The following USP4 variants were observed in gnomAD, a reference collection of about 807,000 sequenced individuals.
The protein encoded by USP4 is ubiquitin carboxyl-terminal hydrolase 4.
Under a neutral mutation model 118.2 loss-of-function variants are expected in USP4, and 72 were observed. The observed-to-expected ratio is 0.61, with a 90% CI of 0.50 to 0.74. The LOEUF (loss-of-function observed/expected upper bound fraction) is 0.74, where lower values mean the gene tolerates loss of function less well. Among genes scored for constraint, USP4 ranks in the 30% least tolerant of loss-of-function variants. USP4 has a pLI of 0.00. For missense variants in USP4, 1,037 were observed against 1,185.7 expected, an observed-to-expected ratio of 0.87 and a Z score of 1.84; for synonymous variants, 415 against 440.4, an observed-to-expected ratio of 0.94 and a Z score of 0.72.
At chr3:49,298,182 G>A (rs1204065650) in intron 12 of USP4, among the ~76,000 whole-genome samples, 3 of 152,196 alleles carry the variant, frequency 2.0e-5, no homozygotes, top group Non-Finnish European at 2.9e-5. Flanking sequence ...ATCTGCCCTC[G>A]ACTGGCAGGA....
At chr3:49,285,951 G>C (rs1190749161) in intron 16 of USP4, 147 bp downstream of exon 16, 5 of 714,542 alleles carry the variant, frequency 7.0e-6, no homozygotes, top group Non-Finnish European at 1.2e-5. Context: ...CAGTCCTTAG[G>C]GGGCTTCAAG....
intron 9 of USP4, among the ~76,000 whole-genome samples, chr3:49,303,858 T>C (rs949633465): frequency 6.6e-6 from 1 of 152,154 alleles, no homozygotes; most frequent in Non-Finnish European, 1.5e-5. Context: ...GTTCAAGCAA[T>C]TCTCATGCCT....
At chr3:49,293,708 T>C (rs1004844473) in intron 14 of USP4, 1 of 150,872 alleles carries the variant, frequency 6.6e-6, no homozygotes, top group African/African-American at 2.4e-5. Flanking sequence ...AATTAGCCAA[T>C]GAAGACTCTT....
chr3:49,324,450 T>C (rs780084141), intron 6 of USP4, among the ~76,000 whole-genome samples: 5 of 152,154 alleles, frequency 3.3e-5, no homozygotes, highest in Admixed American at 6.6e-5. Flanking sequence ...ATCCCTCATA[T>C]CCCTTCCTCC....
At position 49,318,698 on chromosome 3, in the gene USP4, C is replaced by T. The variant is rs1302703931; in HGVS notation, c.695+6004G>A. 3.6e-6 allele frequency: 3 copies of T among 834,302 alleles called. No homozygotes were observed. The African/African-American group carries it at 5.6e-5, about 15-fold the overall frequency. 51.7% of individuals were successfully genotyped at this position (834,302 alleles called of 1,614,324 possible). A position where few individuals can be genotyped will look rare whatever the true frequency, so the allele number is the denominator to read the frequency against. ...CCAAGGCGGGTGGATCACCTGAGGC[C>T]AGGAGTTCGAGACCAGCCTGGCCAA... On this transcript the variant is annotated intron_variant, in intron 6 of 21. Coordinates refer to ENST00000265560, the MANE Select transcript of USP4 (RefSeq NM_003363.4).
At chr3:49,292,430 T>C (rs906318579) in intron 15 of USP4, 80 bp downstream of exon 15, 9 of 919,204 alleles carry the variant, frequency 9.8e-6, no homozygotes, top group African/African-American at 3.4e-5. Flanking sequence ...CCTTCTCCCA[T>C]GTGTGTAACA....
At chr3:49,290,502 T>G (rs1223051502) in intron 15 of USP4, among the ~76,000 whole-genome samples, 1 of 152,198 alleles carries the variant, frequency 6.6e-6, no homozygotes, top group Non-Finnish European at 1.5e-5. Context: ...AACTGATAAT[T>G]TTTTGTTTTT....
chr3:49,284,900 C>T lies in USP4; in HGVS notation c.2220G>A (p.Met740Ile). The T allele has an allele frequency of 1.2e-6, 2 of 1,613,470 alleles. No homozygotes were observed. The highest frequency in any genetic ancestry group is 1.6e-4 in the Middle Eastern group (1 of 6,062). Reference sequence around the variant, plus strand: ...GTCTCCGAGTTTCACTGTCCCAATCCATGGCCAGTGTAGATCGAGCTGAGG... The same window carrying T: ...GTCTCCGAGTTTCACTGTCCCAATCTATGGCCAGTGTAGATCGAGCTGAGG... Reference protein sequence around the residue: ...LKLNSRSTLAMDWDSETRRLY... With the variant: ...LKLNSRSTLAIDWDSETRRLY... Residue 740 changes from methionine (M) to isoleucine (I), a missense_variant, in exon 17 of 22, where the codon ATG becomes ATA. Coordinates refer to ENST00000265560, the MANE Select transcript of USP4 (RefSeq NM_003363.4).
intron 8 of USP4, among the ~76,000 whole-genome samples, chr3:49,309,619 CTTTTTTTTTTT>C (rs35128646): frequency 1.5e-4 from 12 of 79,398 alleles, no homozygotes; most frequent in African/African-American, 5.4e-4. Context: ...GGCGGGACAG[CTTTTTTTTTTT>C]TTTTTTTTTT....
rs375669755 is a variant in USP4, at chr3:49,291,070, G to A, written c.1972+1440C>T. On this transcript the variant is annotated intron_variant, in intron 15 of 21. Transcript: ENST00000265560. ...TGAAAGCTCTGCCTCCCGGGTTCAC[G>A]CCATTCTCCTGCCTCAGCCTCCCAA... 1.2e-4 allele frequency among the ~76,000 whole-genome samples: 18 copies of A among 152,036 alleles called. No individual in the cohort carries two copies. The East Asian group carries it at 2.5e-3, about 21-fold the overall frequency.
intron 15 of USP4, 132 bp from the exon 16 acceptor site, chr3:49,286,457 T>C (rs1160331243): frequency 2.2e-6 from 2 of 898,652 alleles, no homozygotes; most frequent in Admixed American, 2.7e-5. Context: ...TCTATTCCTT[T>C]GCATTTAACT....
intron 15 of USP4, among the ~76,000 whole-genome samples, chr3:49,290,623 T>C (rs1254776085): frequency 2.6e-5 from 4 of 152,210 alleles, no homozygotes; most frequent in Admixed American, 6.5e-5. Context: ...CAAGAGATTG[T>C]CGTGCTTCAG....
rs371444228 is a variant in USP4, at chr3:49,298,052, A to T, written c.1597-88T>A. 7.9e-5 allele frequency: 69 copies of T among 877,738 alleles called. No individual in the cohort carries two copies. The East Asian group carries it at 1.1e-3, about 14-fold the overall frequency. The allele number at this position is 877,738 out of a possible 1,614,324, so 54.4% of individuals were successfully genotyped here. ...AAACCCAGAAACAAATGAAAAAAAA[A>T]ATACTCATACTCAAATGTTGCCTCT... On this transcript the variant is annotated intron_variant, in intron 12 of 21. Coordinates refer to ENST00000265560, the MANE Select transcript of USP4 (RefSeq NM_003363.4).
intron 13 of USP4, among the ~76,000 whole-genome samples, chr3:49,296,180 A>T (rs2047207048): frequency 6.6e-6 from 1 of 151,502 alleles, no homozygotes; most frequent in Non-Finnish European, 1.5e-5. Flanking sequence ...AAATACAAAA[A>T]ATTGGCCAGG....
chr3:49,327,076 A>G (rs1456127052), intron 3 of USP4, among the ~76,000 whole-genome samples: 1 of 152,184 alleles, frequency 6.6e-6, no homozygotes, highest in Admixed American at 6.6e-5. Flanking sequence ...GACATTAGCT[A>G]TATGTCCATA....
chr3:49,325,577 T>C lies in USP4; in HGVS notation c.487+142A>G, dbSNP rs2047545340. 3 of 1,244,022 alleles carry C rather than the reference T, an allele frequency of 2.4e-6. No individual in the cohort carries two copies. In the South Asian group the frequency reaches 4.2e-5, roughly 17 times the overall value. The allele number at this position is 1,244,022 out of a possible 1,614,324, so 77.1% of individuals were successfully genotyped here. A position where few individuals can be genotyped will look rare whatever the true frequency, so the allele number is the denominator to read the frequency against. ...ATTCCTGGAGGAATAGGCCCCCAGGTCAGGACTGGCAACTACAGCTCGAGA... is the reference window on the plus strand; with the variant it reads ...ATTCCTGGAGGAATAGGCCCCCAGGCCAGGACTGGCAACTACAGCTCGAGA... On this transcript the variant is annotated intron_variant, in intron 4 of 21. Transcript: ENST00000265560.
intron 15 of USP4, among the ~76,000 whole-genome samples, chr3:49,291,176 G>C (rs564447143): frequency 6.6e-6 from 1 of 151,160 alleles, no homozygotes; most frequent in South Asian, 2.1e-4. Flanking sequence ...GTGTTAGCCA[G>C]GATAGTTTCG....
In USP4 at chr3:49,277,192, C is replaced by G. The variant is rs753994580; in HGVS notation, c.*1101G>C. ...GCCACGTCCTTGTCCTCACCCGCAG[C>G]GCAGTGACGCCGACCCATCCAACGG... On this transcript the variant is annotated 3_prime_UTR_variant, in exon 22 of 22. Transcript: ENST00000265560. 4 of 1,359,086 alleles carry G rather than the reference C, an allele frequency of 2.9e-6. No homozygotes were observed. The highest frequency in any genetic ancestry group is 2.5e-5 in the South Asian group (2 of 81,602). The allele number at this position is 1,359,086 out of a possible 1,614,324, so 84.2% of individuals were successfully genotyped here.
chr3:49,283,889 C>G lies in USP4; in HGVS notation c.2540+98G>C, dbSNP rs1350059771. On this transcript the variant is annotated intron_variant, in intron 19 of 21. Coordinates refer to ENST00000265560, the MANE Select transcript of USP4 (RefSeq NM_003363.4). ...TAGACCCCGGCAACACACATCCTTA[C>G]TCAGAAAAGTTTTTGGTGGCAAACC... The G allele has an allele frequency of 1.1e-4, 158 of 1,474,900 alleles. 1 individual carries two copies. Among genetic ancestry groups the G allele is most frequent in the Non-Finnish European group, 8.5e-5 (91 of 1,073,382 alleles). The allele number at this position is 1,474,900 out of a possible 1,614,324, so 91.4% of individuals were successfully genotyped here. A position where few individuals can be genotyped will look rare whatever the true frequency, so the allele number is the denominator to read the frequency against.
Sources: gnomAD v4.1 joint callset for allele counts (sites outside exome capture counted in the v4.1 genomes callset) on GRCh38, gnomAD v4.1.1 for gene constraint, MANE v1.5 for transcripts, NCBI Gene and HGNC (gene_info 2026-07-23, HGNC 2026-07-21) for gene names.